The following TECTB variants were observed in gnomAD, a reference collection of about 807,000 sequenced individuals.
TECTB encodes the protein beta-tectorin.
In TECTB, 45 loss-of-function variants were observed where a neutral mutation model predicts 43.3. The observed-to-expected ratio is 1.04, with a 90% confidence interval of 0.82 to 1.33. The LOEUF (loss-of-function observed/expected upper bound fraction) is 1.33. TECTB is among the 40% of genes most tolerant of loss of function. TECTB has a pLI of 0.00. For missense variants in TECTB, 399 were observed against 404.7 expected (o/e 0.99, Z 0.12); for synonymous variants, 169 against 156.7 (o/e 1.08, Z -0.59).
At chr10:112,284,206 T>C (rs1374654111) in intron 2 of TECTB, among the ~76,000 whole-genome samples, 1 of 152,230 alleles carries the variant, frequency 6.6e-6, no homozygotes, top group Non-Finnish European at 1.5e-5. Context: ...TATGTGCTCA[T>C]TGTTATGGAG....
chr10:112,283,950 C>A, intron 2 of TECTB, 140 bp downstream of exon 2: 1 of 848,796 alleles, frequency 1.2e-6, no homozygotes, highest in Non-Finnish European at 1.8e-6. Context: ...GCACCCCCTC[C>A]AATACCAATC....
intron 2 of TECTB, 85 bp from the exon 3 acceptor site, chr10:112,284,450 C>A: frequency 7.6e-7 from 1 of 1,317,228 alleles, no homozygotes; most frequent in Non-Finnish European, 1.0e-6. Flanking sequence ...TTTGCATGCT[C>A]AGGTGTAGCT....
intron 7 of TECTB, among the ~76,000 whole-genome samples, chr10:112,296,332 G>T (rs12767379): frequency 6.6e-5 from 10 of 152,142 alleles, no homozygotes; most frequent in Non-Finnish European, 1.5e-4. Flanking sequence ...CCTCCTGTGG[G>T]CTTCCACCAT....
chr10:112,298,077 C>T lies in TECTB; in HGVS notation c.680C>T (p.Thr227Met), dbSNP rs142734172. The change falls in exon 8 of 11, where the codon ACG (threonine) becomes ATG (methionine). Residue 227 changes from threonine to methionine, a missense_variant. Transcript: ENST00000646139. Reference protein sequence around the residue: ...QWQLINKGCPTDETVLVHENG... With the variant: ...QWQLINKGCPMDETVLVHENG... Reference sequence around the variant, plus strand: ...TTCCCCATCTGCCTCAGCTGCCCCACGGATGAAACCGTCCTCGTGCATGAG... The same window carrying T: ...TTCCCCATCTGCCTCAGCTGCCCCATGGATGAAACCGTCCTCGTGCATGAG... 1.8e-4 allele frequency: 296 copies of T among 1,614,174 alleles called. No homozygotes were observed. The highest frequency in any genetic ancestry group is 2.3e-4 in the Non-Finnish European group (269 of 1,180,032).
rs571479528 is a variant in TECTB at position 112,302,098 on chromosome 10, C to T, written c.908-3C>T. On this transcript the variant is annotated splice_polypyrimidine_tract_variant and splice_region_variant and intron_variant, in intron 9 of 10. Coordinates refer to ENST00000646139, the MANE Select transcript of TECTB (RefSeq NM_058222.3). ...TTCTGCATTCTCTCTTTACTCACTA[C>T]AGGCAGGGGATTTTCCAGTCTCTAT... is the stretch of plus-strand genomic sequence containing the variant. 21 of 1,613,974 alleles carry T rather than the reference C, an allele frequency of 1.3e-5. No homozygotes were observed. The Admixed American group carries it at 2.2e-4, about 17-fold the overall frequency.
At chr10:112,298,338 T>G (rs1373023724) in intron 8 of TECTB, 107 bp downstream of exon 8, 1 of 1,395,448 alleles carries the variant, frequency 7.2e-7, no homozygotes, top group Non-Finnish European at 9.8e-7. Flanking sequence ...AGCTGTGTGC[T>G]GAGGACATCT....
chr10:112,296,757 T>C (rs1336559011), intron 7 of TECTB, among the ~76,000 whole-genome samples: 1 of 152,158 alleles, frequency 6.6e-6, no homozygotes, highest in Admixed American at 6.5e-5. Flanking sequence ...CCCCCCGTTG[T>C]CTGTTTCTGA....
intron 7 of TECTB, among the ~76,000 whole-genome samples, chr10:112,295,565 C>G (rs1269757699): frequency 6.6e-6 from 1 of 152,262 alleles, no homozygotes; most frequent in African/African-American, 2.4e-5. Context: ...CCAGCAAAGC[C>G]TCCTGTAGAG....
chr10:112,289,001 G>A (rs561055471), intron 5 of TECTB, among the ~76,000 whole-genome samples: 1 of 152,276 alleles, frequency 6.6e-6, no homozygotes, highest in East Asian at 1.9e-4. Flanking sequence ...TTTACTAGTT[G>A]TGTGACTTTG....
rs1848534372 is a variant in TECTB at position 112,295,135 on chromosome 10, C to G, written c.671+1074C>G. On this transcript the variant is annotated intron_variant, in intron 7 of 10. Coordinates refer to ENST00000646139, the MANE Select transcript of TECTB (RefSeq NM_058222.3). ...CATCATACACATAATTAGCAGTAAACAAAGAAGAGATCATTCTCTAAACAA... is the reference window on the plus strand; with the variant it reads ...CATCATACACATAATTAGCAGTAAAGAAAGAAGAGATCATTCTCTAAACAA... Among the ~76,000 whole-genome samples the G allele has an allele frequency of 2.0e-5, 3 of 152,124 alleles. No homozygotes were observed. In the South Asian group the frequency reaches 6.2e-4, roughly 32 times the overall value.
At chr10:112,300,279 A>AAAGAAAGGAAAG (rs1361291056) in intron 9 of TECTB, among the ~76,000 whole-genome samples, 4 of 48,360 alleles carry the variant, frequency 8.3e-5, no homozygotes, top group Non-Finnish European at 1.2e-4. Context: ...AGAAAGAAAG[A>AAAGAAAGGAAAG]AAAGAAAGAA....
intron 5 of TECTB, among the ~76,000 whole-genome samples, chr10:112,290,971 A>G (rs1200690344): frequency 6.6e-6 from 1 of 152,186 alleles, no homozygotes; most frequent in Non-Finnish European, 1.5e-5. Flanking sequence ...TGTGAGGGGT[A>G]AAGTCCACTT....
intron 5 of TECTB, among the ~76,000 whole-genome samples, chr10:112,288,453 C>A (rs111878028): frequency 6.6e-6 from 1 of 152,124 alleles, no homozygotes; most frequent in African/African-American, 2.4e-5. Flanking sequence ...AAGGGTCAAG[C>A]GTCCCCTGAG....
At chr10:112,288,550 G>A (rs184224189) in intron 5 of TECTB, among the ~76,000 whole-genome samples, 73 of 152,142 alleles carry the variant, frequency 4.8e-4, no homozygotes, top group Middle Eastern at 3.4e-3. Context: ...TAATATTCCC[G>A]CCATGGGCTC....
intron 9 of TECTB, among the ~76,000 whole-genome samples, chr10:112,300,266 G>GA (rs796609321): frequency 0.011 from 274 of 24,386 alleles, 1 homozygote; most frequent in African/African-American, 0.054. Flanking sequence ...AAGAAAGAAA[G>GA]AAAGAAAGAA....
In TECTB at chr10:112,284,687, T is replaced by A. The variant is rs1194827636; in HGVS notation, c.229T>A (p.Ser77Thr). ...GYYQFVIPDL[S>T]PKNKSYCGTQ... ...CTACCAATTTGTGATCCCAGATTTATCACCTAAAAACAAGTCCTATTGTGG... is the reference window on the plus strand; with the variant it reads ...CTACCAATTTGTGATCCCAGATTTAACACCTAAAAACAAGTCCTATTGTGG... The change falls in exon 3 of 11, where the codon TCA (serine) becomes ACA (threonine). Residue 77 changes from serine to threonine, a missense_variant. Ser to Thr is a moderately conservative substitution (Grantham distance 58). Coordinates refer to ENST00000646139, the MANE Select transcript of TECTB (RefSeq NM_058222.3). The A allele has an allele frequency of 1.9e-6, 3 of 1,611,156 alleles. No individual in the cohort carries two copies. The highest frequency in any genetic ancestry group is 2.5e-6 in the Non-Finnish European group (3 of 1,178,640).
At chr10:112,292,967 T>C (rs993917560) in intron 5 of TECTB, among the ~76,000 whole-genome samples, 6 of 152,196 alleles carry the variant, frequency 3.9e-5, no homozygotes, top group Non-Finnish European at 7.3e-5. Context: ...TGCTCAAATG[T>C]CACATCCTCA....
intron 2 of TECTB, 56 bp from the exon 3 acceptor site, chr10:112,284,479 C>A (rs1332540063): frequency 4.1e-6 from 6 of 1,461,546 alleles, no homozygotes; most frequent in Non-Finnish European, 4.6e-6. Flanking sequence ...CTGTTCGTTA[C>A]GTAGGTTAGC....
At position 112,286,166 on chromosome 10, in the gene TECTB, C is replaced by T. The variant is rs118152880; in HGVS notation, c.363C>T (p.Cys121=). Residue 121 remains cysteine (C), a synonymous_variant, in exon 4 of 11, where the codon TGC becomes TGT. Coordinates refer to ENST00000646139, the MANE Select transcript of TECTB (RefSeq NM_058222.3). The part of the protein sequence containing the change: ...KNQPVNYSFS[C]TYHSTYLVNQ... Reference sequence around the variant, plus strand: ...AGCCTGTCAACTACTCCTTCTCCTGCACCTACCACTCCACCTACTTGGTGA... The same window carrying T: ...AGCCTGTCAACTACTCCTTCTCCTGTACCTACCACTCCACCTACTTGGTGA... 260 of 1,614,198 alleles carry T rather than the reference C, an allele frequency of 1.6e-4. 1 individual carries two copies. In the East Asian group the frequency reaches 5.6e-3, roughly 35 times the overall value.
Sources: allele counts gnomAD v4.1 joint callset (sites outside exome capture counted in the v4.1 genomes callset), GRCh38; gene constraint gnomAD v4.1.1; transcripts MANE v1.5; gene names NCBI Gene and HGNC (gene_info 2026-07-23, HGNC 2026-07-21).